ADAM9: variants seen among roughly 807,000 people sequenced by gnomAD.
The protein encoded by ADAM9 is disintegrin and metalloproteinase domain-containing protein 9.
A neutral mutation model predicts 108.1 loss-of-function variants in ADAM9; 54 were observed. The observed-to-expected ratio is 0.50, with a 90% CI of 0.40 to 0.63. ADAM9 has a LOEUF of 0.63. Ranked by LOEUF, ADAM9 falls within the 20% of genes least tolerant of loss-of-function variation. The pLI, the probability that ADAM9 is intolerant of heterozygous loss-of-function variation, is 0.00. For synonymous variants in ADAM9, 316 were observed against 336.0 expected (o/e 0.94, Z 0.65); for missense variants, 830 against 997.7 (o/e 0.83, Z 2.26).
intron 4 of ADAM9, chr8:39,014,575 A>C (rs1408482675): frequency 1.4e-6 from 1 of 702,600 alleles, no homozygotes; most frequent in Admixed American, 2.0e-5. Context: ...GGCAGATGTC[A>C]AATTTGGCTT....
intron 5 of ADAM9, 115 bp from the exon 6 acceptor site, chr8:39,017,104 T>A: frequency 1.8e-6 from 2 of 1,095,290 alleles, no homozygotes; most frequent in Non-Finnish European, 2.7e-6. Context: ...TTTTCTTCTC[T>A]ATGTAATGCT....
intron 9 of ADAM9, among the ~76,000 whole-genome samples, chr8:39,025,457 C>A (rs1836890356): frequency 6.6e-6 from 1 of 152,134 alleles, no homozygotes; most frequent in African/African-American, 2.4e-5. Flanking sequence ...TAAACATATT[C>A]ATTTCATTCG....
At chr8:39,037,737 A>G (rs987567030) in intron 11 of ADAM9, among the ~76,000 whole-genome samples, 11 of 152,318 alleles carry the variant, frequency 7.2e-5, no homozygotes, top group Admixed American at 5.9e-4. Flanking sequence ...CATGTATACC[A>G]TGTAGCAGGC....
intron 20 of ADAM9, among the ~76,000 whole-genome samples, chr8:39,095,546 A>T (rs1343057125): frequency 1.3e-5 from 2 of 152,150 alleles, no homozygotes; most frequent in Non-Finnish European, 1.5e-5. Flanking sequence ...TTTGCAGTTT[A>T]ACATATTATT....
chr8:39,035,363 T>C (rs1837236480), intron 11 of ADAM9, among the ~76,000 whole-genome samples: 1 of 152,252 alleles, frequency 6.6e-6, no homozygotes, highest in Admixed American at 6.5e-5. Flanking sequence ...TCTCTGATCA[T>C]AGTAAGCATA....
intron 11 of ADAM9, among the ~76,000 whole-genome samples, chr8:39,030,118 T>C (rs1837052770): frequency 6.6e-6 from 1 of 152,168 alleles, no homozygotes; most frequent in Admixed American, 6.5e-5. Context: ...TTTCTCAAAG[T>C]CCATACTTTA....
chr8:39,074,304 C>G (rs765213078), intron 15 of ADAM9, among the ~76,000 whole-genome samples: 1 of 152,026 alleles, frequency 6.6e-6, no homozygotes, highest in Non-Finnish European at 1.5e-5. Flanking sequence ...TTTCCTTTCA[C>G]TAAAAGGGTT....
intron 11 of ADAM9, among the ~76,000 whole-genome samples, chr8:39,037,927 T>C (rs1417997333): frequency 6.6e-6 from 1 of 152,254 alleles, no homozygotes; most frequent in Non-Finnish European, 1.5e-5. Flanking sequence ...AAATGTGATC[T>C]ACCCATAGTC....
rs576750035 is a variant in ADAM9, at chr8:39,091,907, G to T, written c.2298+561G>T. Reference sequence around the variant, plus strand: ...GATTGGGAAATGACATGGGACGTATGCTATCACTGCTTTTTTCTGTGTCTG... The same window carrying T: ...GATTGGGAAATGACATGGGACGTATTCTATCACTGCTTTTTTCTGTGTCTG... On this transcript the variant is annotated intron_variant, in intron 20 of 21. Transcript: ENST00000487273. Among the ~76,000 whole-genome samples the T allele has an allele frequency of 1.2e-3, 186 of 152,314 alleles. 1 individual carries two copies. The highest frequency in any genetic ancestry group is 2.4e-3 in the Non-Finnish European group (164 of 68,016).
In ADAM9 at chr8:39,029,128, G is replaced by GT. The variant is rs1229961755; in HGVS notation, c.1130+2320dup. Among the ~76,000 whole-genome samples, 123 of 80,902 alleles carry GT rather than the reference G, an allele frequency of 1.5e-3. 1 individual carries two copies. Among genetic ancestry groups the GT allele is most frequent in the African/African-American group, 5.9e-3 (115 of 19,458 alleles). The allele number at this position is 80,902 out of a possible 152,430, so 53.1% of individuals were successfully genotyped here. A position where few individuals can be genotyped will look rare whatever the true frequency, so the allele number is the denominator to read the frequency against. ...AGGGAAGAGCCAAAAAAGTGTTGTT[G>GT]TTGTTTTTTTTTTTTTTTGGTTGAC... On this transcript the variant is annotated intron_variant, in intron 11 of 21. Transcript: ENST00000487273.
chr8:39,042,200 A>T (rs948575636), intron 12 of ADAM9, 83 bp downstream of exon 12: 27 of 1,474,224 alleles, frequency 1.8e-5, no homozygotes, highest in African/African-American at 1.8e-4. Flanking sequence ...GGCAACTCTG[A>T]CATAGGAGCT....
chr8:39,091,401 T>A, intron 20 of ADAM9, 55 bp downstream of exon 20: 1 of 1,479,426 alleles, frequency 6.8e-7, no homozygotes, highest in Non-Finnish European at 9.4e-7. Flanking sequence ...ATCAAATGCT[T>A]AAGGATTAAA....
intron 11 of ADAM9, among the ~76,000 whole-genome samples, chr8:39,027,616 G>T (rs987180192): frequency 1.3e-5 from 2 of 152,140 alleles, no homozygotes; most frequent in African/African-American, 4.8e-5. Context: ...AAGATCCCAT[G>T]GTGGTTGGGC....
rs200233670 is a variant in ADAM9, at chr8:39,090,043, C to A, written c.2069-4C>A. 1.2e-4 allele frequency: 196 copies of A among 1,613,556 alleles called. No homozygotes were observed. Among genetic ancestry groups the A allele is most frequent in the Admixed American group, 5.7e-4 (34 of 59,972 alleles). The stretch of plus-strand genomic sequence containing the variant: ...GACTGTTGATGTAAAATTCTTCTCT[C>A]TAGAAATGAATACTGCATTGAGGGA... On this transcript the variant is annotated splice_region_variant and splice_polypyrimidine_tract_variant and intron_variant, in intron 18 of 21. Coordinates refer to ENST00000487273, the MANE Select transcript of ADAM9 (RefSeq NM_003816.3).
chr8:39,099,982 C>A (rs1447033965), intron 20 of ADAM9, among the ~76,000 whole-genome samples: 1 of 144,628 alleles, frequency 6.9e-6, no homozygotes. Context: ...CGGGTTCAAG[C>A]AATTCTTCTG....
rs545450254 is a variant in ADAM9, at chr8:39,088,145, G to T, written c.2069-1902G>T. Among the ~76,000 whole-genome samples, 12 of 152,226 alleles carry T rather than the reference G, an allele frequency of 7.9e-5. No individual in the cohort carries two copies. The South Asian group carries it at 2.3e-3, about 29-fold the overall frequency. Reference sequence around the variant, plus strand: ...GGAAGAGGAGAGGTTGGTCTCAGGGGTGGCAGAAACACAAGATAGCCTGCA... The same window carrying T: ...GGAAGAGGAGAGGTTGGTCTCAGGGTTGGCAGAAACACAAGATAGCCTGCA... On this transcript the variant is annotated intron_variant, in intron 18 of 21. Transcript: ENST00000487273.
intron 3 of ADAM9, among the ~76,000 whole-genome samples, chr8:39,012,708 A>G (rs1039896650): frequency 5.3e-5 from 8 of 152,252 alleles, no homozygotes; most frequent in Admixed American, 5.2e-4. Flanking sequence ...AAAAAACCAA[A>G]CACCACATGT....
At chr8:39,044,666 C>G (rs1038784191) in intron 12 of ADAM9, among the ~76,000 whole-genome samples, 28 of 152,122 alleles carry the variant, frequency 1.8e-4, no homozygotes, top group Middle Eastern at 3.4e-3. Flanking sequence ...TGTCCATCAC[C>G]TCCATCTTTA....
chr8:39,089,256 AAAG>A (rs1344677579), intron 18 of ADAM9, among the ~76,000 whole-genome samples: 2 of 152,204 alleles, frequency 1.3e-5, no homozygotes, highest in Non-Finnish European at 2.9e-5. Flanking sequence ...CGGGAAAAGA[AAAG>A]AAAAAAAAAT....
Sources: gnomAD v4.1 joint callset for allele counts (sites outside exome capture counted in the v4.1 genomes callset) on GRCh38, gnomAD v4.1.1 for gene constraint, MANE v1.5 for transcripts, NCBI Gene and HGNC (gene_info 2026-07-23, HGNC 2026-07-21) for gene names.